Variants in OAS2 observed in about 807,000 individuals in gnomAD.
OAS2 encodes the protein 2'-5'-oligoadenylate synthetase 2.
A neutral mutation model predicts 71.3 loss-of-function variants in OAS2; 67 were observed. The ratio of observed to expected loss-of-function variants is 0.94; its 90% CI spans 0.77 to 1.15. OAS2 has a LOEUF of 1.15. Ranked by LOEUF, OAS2 falls within the 50% of genes most tolerant of loss-of-function variation. OAS2 has a pLI of 0.00. For synonymous variants in OAS2, 327 were observed against 321.8 expected, an observed-to-expected ratio of 1.02 and a Z score of -0.17; for missense variants, 789 against 822.5, an observed-to-expected ratio of 0.96 and a Z score of 0.50.
At chr12:113,003,341 C>T (rs1042851469) in intron 6 of OAS2, among the ~76,000 whole-genome samples, 1 of 152,126 alleles carries the variant, frequency 6.6e-6, no homozygotes, top group Admixed American at 6.5e-5. Flanking sequence ...TGTTGGCCGT[C>T]CTTGGGGCTC....
chr12:113,009,031 A>T, intron 9 of OAS2, 56 bp from the exon 10 acceptor site: 1 of 1,571,606 alleles, frequency 6.4e-7, no homozygotes, highest in Non-Finnish European at 8.6e-7. Context: ...ATGGACCCCA[A>T]ATTCTGAAGT....
chr12:113,004,011 G>A (rs1047140515), intron 6 of OAS2, among the ~76,000 whole-genome samples: 1 of 152,200 alleles, frequency 6.6e-6, no homozygotes, highest in Non-Finnish European at 1.5e-5. Context: ...CCATTCACAT[G>A]ATAGTCAGTG....
At chr12:113,000,989 C>G (rs115207832) in intron 5 of OAS2, among the ~76,000 whole-genome samples, 1,580 of 152,282 alleles carry the variant, frequency 0.01, 26 homozygotes, top group African/African-American at 0.036. Flanking sequence ...TTGTATAGAA[C>G]AGTAATTACT....
At position 113,009,130 on chromosome 12, in the gene OAS2, G is replaced by A. The variant is rs1028184911; in HGVS notation, c.1939G>A (p.Gly647Arg). Residue 647 changes from glycine to arginine, a missense_variant, in exon 10 of 10, where the codon GGA (glycine) becomes AGA (arginine). Transcript: ENST00000392583. ...AGCCGAACCCACAGGTGACGTGGGT[G>A]GAGGGGACCGTTGGTGTTGGCATCT... Reference protein sequence around the residue: ...DPAEPTGDVGGGDRWCWHLLA... With the variant: ...DPAEPTGDVGRGDRWCWHLLA... 6.2e-7 allele frequency: 1 copy of A among 1,613,872 alleles called. No homozygotes were observed. Among genetic ancestry groups the A allele is most frequent in the African/African-American group, 1.3e-5 (1 of 74,900 alleles).
chr12:112,984,291 A>T (rs2044111687), intron 1 of OAS2, among the ~76,000 whole-genome samples: 1 of 152,202 alleles, frequency 6.6e-6, no homozygotes, highest in African/African-American at 2.4e-5. Flanking sequence ...CCTCTGGCTG[A>T]ATTGATCTCT....
At chr12:113,008,941 T>C in intron 9 of OAS2, 146 bp from the exon 10 acceptor site, 2 of 1,386,212 alleles carry the variant, frequency 1.4e-6, no homozygotes, top group Non-Finnish European at 1.9e-6. Context: ...AGAAAGTTAC[T>C]TTGAACCCTA....
Position 113,010,480 on chromosome 12 carries a change from T to G in OAS2, c.*1225T>G. ...CTGAATAATAATTCTAAAAGAAACT[T>G]CTAGAGATCATCTGGCAATCGCTTT... On this transcript the variant is annotated 3_prime_UTR_variant, in exon 10 of 10. Transcript: ENST00000392583. The G allele has an allele frequency of 6.2e-7, 1 of 1,613,202 alleles. No individual in the cohort carries two copies. Among genetic ancestry groups the G allele is most frequent in the South Asian group, 1.1e-5 (1 of 90,916 alleles).
In OAS2 at chr12:113,006,537, C is replaced by T; in HGVS notation, c.1593C>T (p.Phe531=). 1 of 1,613,066 alleles carries T rather than the reference C, an allele frequency of 6.2e-7. No individual in the cohort carries two copies. Among genetic ancestry groups the T allele is most frequent in the Non-Finnish European group, 8.5e-7 (1 of 1,179,204 alleles). The change falls in exon 8 of 10, where the codon TTC becomes TTT. Residue 531 remains phenylalanine, a synonymous_variant. Transcript: ENST00000392583. ...STCFTVLQRN[F]IRSRPTKLKD... is the part of the protein sequence containing the mutation. ...GTTTCACAGTCCTGCAGCGAAACTT[C>T]ATTCGCTCCCGGCCCACCAAACTAA...
At chr12:113,004,581 A>G (rs2044314574) in intron 6 of OAS2, among the ~76,000 whole-genome samples, 1 of 152,216 alleles carries the variant, frequency 6.6e-6, no homozygotes, top group Non-Finnish European at 1.5e-5. Context: ...CACCATAATT[A>G]TTGCATTCCG....
At chr12:113,005,918 CAAA>C (rs138299398) in intron 7 of OAS2, among the ~76,000 whole-genome samples, 1,619 of 48,904 alleles carry the variant, frequency 0.033, 37 homozygotes, top group African/African-American at 0.074. Flanking sequence ...ACAACAACAA[CAAA>C]AAAAAAAAAA....
chr12:112,998,745 A>G (rs2044258153), intron 5 of OAS2, among the ~76,000 whole-genome samples: 1 of 152,072 alleles, frequency 6.6e-6, no homozygotes, highest in Non-Finnish European at 1.5e-5. Flanking sequence ...CCTTCTCCCT[A>G]CATGTCTTCA....
At chr12:112,982,851 C>G (rs1186298546) in intron 1 of OAS2, among the ~76,000 whole-genome samples, 4 of 152,144 alleles carry the variant, frequency 2.6e-5, no homozygotes, top group African/African-American at 9.7e-5. Flanking sequence ...TCAATCTACT[C>G]ACTCACTATT....
intron 6 of OAS2, among the ~76,000 whole-genome samples, chr12:113,004,561 T>C (rs2044314393): frequency 6.6e-6 from 1 of 152,204 alleles, no homozygotes; most frequent in South Asian, 2.1e-4. Context: ...AAAGAACAGA[T>C]GAGCACCTTC....
intron 5 of OAS2, among the ~76,000 whole-genome samples, chr12:112,999,083 C>T (rs945025650): frequency 2.6e-5 from 4 of 152,314 alleles, no homozygotes; most frequent in East Asian, 1.9e-4. Context: ...AGACATGAAA[C>T]GGAGCATTGC....
At position 113,005,185 on chromosome 12, in the gene OAS2, TG is replaced by T. The variant is rs748237610; in HGVS notation, c.1432del (p.Val478SerfsTer15). On this transcript the variant is annotated frameshift_variant, in exon 7 of 10. Coordinates refer to ENST00000392583, the MANE Select transcript of OAS2 (RefSeq NM_002535.3). LOFTEE classifies it high-confidence loss of function. ...TGAAATCCAAAGTCCTCAACGAAAG[TG>T]TCAGCTTTGATGTGCTTCCTGCCTT... ...SLKSKVLNESVSFDVLPAFNA... is the reference protein window; with the variant it reads ...SLKSKVLNESXSFDVLPAFNA... 5 of 1,613,872 alleles carry T rather than the reference TG, an allele frequency of 3.1e-6. No homozygotes were observed. The highest frequency in any genetic ancestry group is 4.2e-6 in the Non-Finnish European group (5 of 1,179,968).
In OAS2 at chr12:113,007,889, A is replaced by T. The variant is rs1196756132; in HGVS notation, c.1841A>T (p.Asn614Ile). 6.2e-7 allele frequency: 1 copy of T among 1,614,144 alleles called. No individual in the cohort carries two copies. The highest frequency in any genetic ancestry group is 8.5e-7 in the Non-Finnish European group (1 of 1,180,000). Reference protein sequence around the residue: ...QLCIFWKVNYNFEDETVRKFL... With the variant: ...QLCIFWKVNYIFEDETVRKFL... ...TGCATCTTCTGGAAGGTCAATTACA[A>T]CTTTGAAGATGAGACCGTGAGGAAG... The change falls in exon 9 of 10, where the codon AAC becomes ATC. Residue 614 changes from asparagine to isoleucine, a missense_variant. Asn to Ile is a moderately radical substitution (Grantham distance 149, BLOSUM62 -3). Coordinates refer to ENST00000392583, the MANE Select transcript of OAS2 (RefSeq NM_002535.3).
chr12:113,010,202 G>A lies in OAS2; in HGVS notation c.*947G>A, dbSNP rs1032907236. The A allele has an allele frequency of 1.3e-5, 18 of 1,370,346 alleles. No homozygotes were observed. Among genetic ancestry groups the A allele is most frequent in the Admixed American group, 2.9e-5 (1 of 33,900 alleles). The allele number at this position is 1,370,346 out of a possible 1,614,324, so 84.9% of individuals were successfully genotyped here. On this transcript the variant is annotated 3_prime_UTR_variant, in exon 10 of 10. Coordinates refer to ENST00000392583, the MANE Select transcript of OAS2 (RefSeq NM_002535.3). The stretch of plus-strand genomic sequence containing the variant: ...TAGGGAAGAGGTGGCCAAGCCAACC[G>A]TGGGGTTAGCTCTAATTATTAAGAT...
At position 113,003,825 on chromosome 12, in the gene OAS2, T is replaced by C. The variant is rs772845005; in HGVS notation, c.1179+723T>C. 7.9e-4 allele frequency among the ~76,000 whole-genome samples: 120 copies of C among 152,226 alleles called. 1 individual carries two copies. Among genetic ancestry groups the C allele is most frequent in the Admixed American group, 7.2e-4 (11 of 15,282 alleles). The stretch of plus-strand genomic sequence containing the variant: ...ATTATGTACGCGTAAATTTCTGCGT[T>C]GATGCCAGAACAAATCTGTGCAACT... On this transcript the variant is annotated intron_variant, in intron 6 of 9. Transcript: ENST00000392583.
At chr12:113,001,042 G>A (rs1277429900) in intron 5 of OAS2, among the ~76,000 whole-genome samples, 1 of 152,084 alleles carries the variant, frequency 6.6e-6, no homozygotes, top group Non-Finnish European at 1.5e-5. Context: ...AAACTTAGTG[G>A]CTTAAAACAC....
Sources: allele counts gnomAD v4.1 joint callset (sites outside exome capture counted in the v4.1 genomes callset), GRCh38; gene constraint gnomAD v4.1.1; transcripts MANE v1.5; gene names NCBI Gene and HGNC (gene_info 2026-07-23, HGNC 2026-07-21).